USP48: variants seen among roughly 807,000 people sequenced by gnomAD.
USP48 encodes ubiquitin specific peptidase 48.
Under a neutral mutation model 150.7 loss-of-function variants are expected in USP48, and 43 were observed. The observed-to-expected ratio is 0.29, with a 90% CI of 0.22 to 0.37. USP48 has a LOEUF of 0.37. Ranked by LOEUF, USP48 falls within the 10% of genes least tolerant of loss-of-function variation. The pLI, the probability that USP48 is intolerant of heterozygous loss-of-function variation, is 1.00. For missense variants in USP48, 813 were observed against 1,249.6 expected (o/e 0.65, Z 5.27); for synonymous variants, 396 against 425.9 (o/e 0.93, Z 0.86).
In USP48 at chr1:21,733,190, C is replaced by T. The variant is rs973894288; in HGVS notation, c.1171+3256G>A. ...TAGCACTTTGGGAGGCCGAGGCAGG[C>T]GGATCACTTGAGGTCAGGAGTTTGA... On this transcript the variant is annotated intron_variant, in intron 9 of 26. Transcript: ENST00000308271. 1.7e-4 allele frequency among the ~76,000 whole-genome samples: 26 copies of T among 152,078 alleles called. No homozygotes were observed. The East Asian group carries it at 3.1e-3, about 18-fold the overall frequency.
intron 1 of USP48, among the ~76,000 whole-genome samples, chr1:21,759,466 G>A (rs2097845078): frequency 1.3e-5 from 2 of 152,156 alleles, no homozygotes; most frequent in South Asian, 4.1e-4. Flanking sequence ...CACAGATCCT[G>A]ACTTCTAAAT....
Position 21,732,947 on chromosome 1 carries a change from G to GA in USP48, c.1172-3116dup, listed in dbSNP as rs1197417510. ...TTTGTTAGATTTTAAAATGTGCAAA[G>GA]AAAAAAAAAGTTGTTCAACTTTTTT... On this transcript the variant is annotated intron_variant, in intron 9 of 26. Transcript: ENST00000308271. 9 of 154,276 alleles carry GA rather than the reference G, an allele frequency of 5.8e-5. No individual in the cohort carries two copies. In the South Asian group the frequency reaches 7.6e-4, roughly 13 times the overall value. 9.6% of individuals were successfully genotyped at this position (154,276 alleles called of 1,614,324 possible).
chr1:21,760,789 T>G (rs925666068), intron 1 of USP48, among the ~76,000 whole-genome samples: 1 of 147,438 alleles, frequency 6.8e-6, no homozygotes, highest in East Asian at 2.1e-4. Context: ...TATAACGATA[T>G]CATTAGTTGA....
intron 11 of USP48, chr1:21,724,357 T>A: frequency 1.7e-6 from 1 of 593,264 alleles, no homozygotes; most frequent in Non-Finnish European, 3.0e-6. Flanking sequence ...AACCACATTC[T>A]ACAAGAGGCA....
intron 6 of USP48, among the ~76,000 whole-genome samples, chr1:21,749,421 A>C (rs2097803364): frequency 6.6e-6 from 1 of 151,774 alleles, no homozygotes; most frequent in African/African-American, 2.4e-5. Flanking sequence ...TACCTCTCAA[A>C]CGTAACATGC....
intron 26 of USP48, among the ~76,000 whole-genome samples, chr1:21,679,732 G>A (rs1378634313): frequency 6.6e-6 from 1 of 152,144 alleles, no homozygotes; most frequent in Admixed American, 6.5e-5. Context: ...TTTCACTCTT[G>A]TCGCCCAGGC....
At chr1:21,750,447 A>C (rs924623802) in intron 6 of USP48, among the ~76,000 whole-genome samples, 3 of 151,990 alleles carry the variant, frequency 2.0e-5, no homozygotes, top group Non-Finnish European at 4.4e-5. Context: ...CACAGCCCTT[A>C]TTGTAGTTGA....
chr1:21,680,896 T>A, intron 25 of USP48, 62 bp from the exon 26 acceptor site: 1 of 1,311,812 alleles, frequency 7.6e-7, no homozygotes, highest in Non-Finnish European at 1.1e-6. Flanking sequence ...GACAGTAATA[T>A]CATTTCAATG....
At chr1:21,729,412 C>A (rs764155335) in intron 10 of USP48, among the ~76,000 whole-genome samples, 1 of 152,074 alleles carries the variant, frequency 6.6e-6, no homozygotes, top group Admixed American at 6.6e-5. Context: ...TCTAGAATAT[C>A]TATAGATAAT....
In USP48 at chr1:21,684,256, C is replaced by T. The variant is rs189604063; in HGVS notation, c.3058+2935G>A. ...CTAATTTACATTCCCACCAAAAGTC[C>T]GTATAAGAGTTCCCTTTTCTCTGCA... On this transcript the variant is annotated intron_variant, in intron 25 of 26. Transcript: ENST00000308271. Among the ~76,000 whole-genome samples, 353 of 152,220 alleles carry T rather than the reference C, an allele frequency of 2.3e-3. 5 individuals carry two copies. Among genetic ancestry groups the T allele is most frequent in the Non-Finnish European group, 1.2e-3 (80 of 68,010 alleles).
chr1:21,762,610 G>A (rs889552540), intron 1 of USP48, among the ~76,000 whole-genome samples: 1 of 152,144 alleles, frequency 6.6e-6, no homozygotes, highest in African/African-American at 2.4e-5. Flanking sequence ...GCTCACGCCT[G>A]TAATCCCAGC....
chr1:21,715,753 A>T (rs190508805), intron 14 of USP48, among the ~76,000 whole-genome samples: 57 of 152,364 alleles, frequency 3.7e-4, no homozygotes, highest in African/African-American at 1.3e-3. Flanking sequence ...AGTATCGAGA[A>T]TACTGTGTCA....
At chr1:21,694,879 C>A (rs79878678) in intron 23 of USP48, among the ~76,000 whole-genome samples, 187 bp downstream of exon 23, 1 of 152,146 alleles carries the variant, frequency 6.6e-6, no homozygotes, top group Non-Finnish European at 1.5e-5. Context: ...TATTGCAGAA[C>A]CAGCCCAAGT....
chr1:21,713,342 C>CA, intron 15 of USP48, among the ~76,000 whole-genome samples: 2 of 152,270 alleles, frequency 1.3e-5, no homozygotes, highest in African/African-American at 4.8e-5. Context: ...CTCTTGGACT[C>CA]AAGTGATCCT....
chr1:21,782,691 G>C, intron 1 of USP48, 133 bp downstream of exon 1: 1 of 1,344,110 alleles, frequency 7.4e-7, no homozygotes, highest in Non-Finnish European at 9.7e-7. Flanking sequence ...GCGCAAAGGG[G>C]GAAACTCCAC....
At chr1:21,694,388 T>C (rs1434951530) in intron 23 of USP48, among the ~76,000 whole-genome samples, 1 of 151,674 alleles carries the variant, frequency 6.6e-6, no homozygotes, top group African/African-American at 2.4e-5. Context: ...CTGGCCAAGA[T>C]GGTGAAACCC....
At position 21,679,589 on chromosome 1, in the gene USP48, T is replaced by C. The variant is rs2097559861; in HGVS notation, c.3086-150A>G. On this transcript the variant is annotated intron_variant, in intron 26 of 26. Coordinates refer to ENST00000308271, the MANE Select transcript of USP48 (RefSeq NM_032236.8). ...CTTGGTGTGGGAGGATAAGACAAAATACCAGCAGACTCCAGGCTCTCCGCT... is the reference window on the plus strand; with the variant it reads ...CTTGGTGTGGGAGGATAAGACAAAACACCAGCAGACTCCAGGCTCTCCGCT... 4.3e-6 allele frequency: 4 copies of C among 928,524 alleles called. No individual in the cohort carries two copies. The African/African-American group carries it at 5.0e-5, about 12-fold the overall frequency. The allele number at this position is 928,524 out of a possible 1,614,324, so 57.5% of individuals were successfully genotyped here. A position where few individuals can be genotyped will look rare whatever the true frequency, so the allele number is the denominator to read the frequency against.
At position 21,756,610 on chromosome 1, in the gene USP48, T is replaced by G; in HGVS notation, c.348A>C (p.Ala116=). Reference sequence around the variant, plus strand: ...TACAAGTGCTTGGACATAAGTAGAGTGCCTGCCGAAGCTCCAAGTTGAGAA... The same window carrying G: ...TACAAGTGCTTGGACATAAGTAGAGGGCCTGCCGAAGCTCCAAGTTGAGAA... The part of the protein sequence containing the change: ...VWFLNLELRQ[A]LYLCPSTCSD... The change falls in exon 3 of 27, where the codon GCA becomes GCC. Residue 116 remains alanine (A), a synonymous_variant. Transcript: ENST00000308271. The G allele has an allele frequency of 6.2e-7, 1 of 1,609,664 alleles. No homozygotes were observed. The highest frequency in any genetic ancestry group is 1.7e-5 in the Admixed American group (1 of 58,710).
chr1:21,705,855 G>A lies in USP48; in HGVS notation c.2274-18C>T. ...TAGGCTTTCTACTCAAATGAGACAA[G>A]GAGGAGAAATATACCTAATTACTGC... On this transcript the variant is annotated intron_variant, in intron 18 of 26. Coordinates refer to ENST00000308271, the MANE Select transcript of USP48 (RefSeq NM_032236.8). The A allele has an allele frequency of 1.3e-6, 2 of 1,563,072 alleles. No individual in the cohort carries two copies. The highest frequency in any genetic ancestry group is 1.7e-6 in the Non-Finnish European group (2 of 1,154,840).
Sources: gnomAD v4.1 joint callset for allele counts (sites outside exome capture counted in the v4.1 genomes callset) on GRCh38, gnomAD v4.1.1 for gene constraint, MANE v1.5 for transcripts, NCBI Gene and HGNC (gene_info 2026-07-23, HGNC 2026-07-21) for gene names.